Variants in MSRB3 observed in about 807,000 individuals in gnomAD.
MSRB3 encodes the protein methionine sulfoxide reductase B3, also known as methionine-R-sulfoxide reductase B3.
In MSRB3, 13 loss-of-function variants were observed where a neutral mutation model predicts 21.0. The observed-to-expected ratio is 0.62, with a 90% CI of 0.40 to 0.98. The LOEUF is 0.98. MSRB3 is among the 50% of genes least tolerant of loss of function. The pLI, the probability that MSRB3 is intolerant of heterozygous loss-of-function variation, is 0.00. For missense variants in MSRB3, 199 were observed against 230.3 expected (o/e 0.86, Z 0.88); for synonymous variants, 87 against 88.6 (o/e 0.98, Z 0.10).
chr12:65,311,056 C>T (rs1446625481), intron 2 of MSRB3, among the ~76,000 whole-genome samples: 1 of 152,132 alleles, frequency 6.6e-6, no homozygotes, highest in Non-Finnish European at 1.5e-5. Context: ...TCCAATACAA[C>T]AGACTTTTCA....
intron 5 of MSRB3, among the ~76,000 whole-genome samples, chr12:65,427,189 G>A (rs996675421): frequency 6.6e-6 from 1 of 152,162 alleles, no homozygotes; most frequent in Non-Finnish European, 1.5e-5. Context: ...TAGCTTTGCT[G>A]TGGAAAGTCC....
intron 4 of MSRB3, among the ~76,000 whole-genome samples, chr12:65,357,596 G>A (rs1012445424): frequency 6.6e-6 from 1 of 151,646 alleles, no homozygotes; most frequent in Admixed American, 6.6e-5. Context: ...TCTGTTCCAG[G>A]ATTCTATCCA....
At chr12:65,346,475 C>T (rs1876513859) in intron 4 of MSRB3, among the ~76,000 whole-genome samples, 1 of 151,986 alleles carries the variant, frequency 6.6e-6, no homozygotes, top group Non-Finnish European at 1.5e-5. Context: ...ATTGTAGTTT[C>T]TGGATATTAG....
At chr12:65,420,459 T>G (rs1174273611) in intron 5 of MSRB3, among the ~76,000 whole-genome samples, 3 of 151,950 alleles carry the variant, frequency 2.0e-5, no homozygotes, top group Non-Finnish European at 4.4e-5. Flanking sequence ...AAATCTTTAT[T>G]TTTTTAAATT....
chr12:65,362,353 C>T (rs1287809991), intron 4 of MSRB3, among the ~76,000 whole-genome samples: 1 of 152,138 alleles, frequency 6.6e-6, no homozygotes, highest in Non-Finnish European at 1.5e-5. Context: ...AGAAGCATCA[C>T]CAGCAGACTT....
At chr12:65,354,741 A>G (rs1043584692) in intron 4 of MSRB3, among the ~76,000 whole-genome samples, 4 of 151,952 alleles carry the variant, frequency 2.6e-5, no homozygotes, top group East Asian at 1.9e-4. Flanking sequence ...CACAAGAATA[A>G]GAACCAGTCA....
Position 65,278,756 on chromosome 12 carries a change from G to A in MSRB3, c.-161G>A. ...CGAGGTTCGGACACCGGCGGCGGCT[G>A]CCTGGCCTTTCCATGAGCCCGCGGC... On this transcript the variant is annotated 5_prime_UTR_variant, in exon 1 of 7. Transcript: ENST00000308259. 1 of 1,575,974 alleles carries A rather than the reference G, an allele frequency of 6.3e-7. No individual in the cohort carries two copies. Among genetic ancestry groups the A allele is most frequent in the Non-Finnish European group, 8.6e-7 (1 of 1,162,858 alleles).
At chr12:65,414,353 A>G (rs1037544529) in intron 5 of MSRB3, among the ~76,000 whole-genome samples, 1 of 152,190 alleles carries the variant, frequency 6.6e-6, no homozygotes, top group East Asian at 1.9e-4. Flanking sequence ...ATAGACAGTC[A>G]TGCATCTCAT....
chr12:65,446,264 A>C (rs1165572235), intron 5 of MSRB3, among the ~76,000 whole-genome samples: 3 of 152,336 alleles, frequency 2.0e-5, no homozygotes, highest in Non-Finnish European at 2.9e-5. Context: ...TGAAGAGACC[A>C]TTCTGACCTA....
intron 5 of MSRB3, among the ~76,000 whole-genome samples, chr12:65,453,399 G>A (rs1882945434): frequency 6.6e-6 from 1 of 152,178 alleles, no homozygotes; most frequent in South Asian, 2.1e-4. Flanking sequence ...GCCATGCTGA[G>A]TGACTCTGAA....
chr12:65,308,479 A>G, intron 1 of MSRB3, 50 bp from the exon 2 acceptor site: 1 of 1,598,616 alleles, frequency 6.3e-7, no homozygotes, highest in South Asian at 1.1e-5. Flanking sequence ...TGTGTTTAAT[A>G]TTTGTGATGT....
At chr12:65,293,880 T>C (rs933011876) in intron 1 of MSRB3, among the ~76,000 whole-genome samples, 6 of 152,206 alleles carry the variant, frequency 3.9e-5, no homozygotes, top group Non-Finnish European at 8.8e-5. Context: ...GTGTTTGTTT[T>C]AATCTTTCAG....
chr12:65,306,412 G>A (rs1247660254), intron 1 of MSRB3, among the ~76,000 whole-genome samples: 1 of 152,182 alleles, frequency 6.6e-6, no homozygotes, highest in Admixed American at 6.5e-5. Context: ...TTATGTCTCA[G>A]CTACATATTT....
intron 1 of MSRB3, chr12:65,283,684 T>C (rs11175714): frequency 0.097 from 14,778 of 152,256 alleles, 1,937 homozygotes; most frequent in African/African-American, 0.29. Flanking sequence ...CTGCCAGCCT[T>C]GGCTTCCCAA....
intron 1 of MSRB3, chr12:65,285,612 A>T (rs1872294289): frequency 6.6e-6 from 1 of 152,296 alleles, no homozygotes; most frequent in Non-Finnish European, 1.5e-5. Context: ...AGGCGGGTGG[A>T]TCACTTGAGT....
intron 1 of MSRB3, among the ~76,000 whole-genome samples, chr12:65,280,951 C>T (rs371449145): frequency 3.3e-5 from 5 of 152,264 alleles, no homozygotes; most frequent in South Asian, 4.1e-4. Flanking sequence ...TTTAAGGCCA[C>T]GTGTGGTGGC....
intron 5 of MSRB3, among the ~76,000 whole-genome samples, chr12:65,396,796 C>G (rs192323150): frequency 6.6e-6 from 1 of 152,044 alleles, no homozygotes; most frequent in African/African-American, 2.4e-5. Flanking sequence ...TGTGGTCTAT[C>G]TTGGTAAATA....
At chr12:65,389,523 T>A (rs551655691) in intron 5 of MSRB3, among the ~76,000 whole-genome samples, 6 of 152,294 alleles carry the variant, frequency 3.9e-5, no homozygotes, top group African/African-American at 1.4e-4. Flanking sequence ...TTATTGAGGA[T>A]TTTAGTTTTC....
At chr12:65,309,704 G>A (rs1873871921) in intron 2 of MSRB3, among the ~76,000 whole-genome samples, 1 of 152,202 alleles carries the variant, frequency 6.6e-6, no homozygotes, top group African/African-American at 2.4e-5. Flanking sequence ...AGGATATGGT[G>A]CTTGAGCTGA....
Sources: allele counts gnomAD v4.1 joint callset (sites outside exome capture counted in the v4.1 genomes callset), GRCh38; gene constraint gnomAD v4.1.1; transcripts MANE v1.5; gene names NCBI Gene and HGNC (gene_info 2026-07-23, HGNC 2026-07-21).